The following GPRIN3 variants were observed in gnomAD, a reference collection of about 807,000 sequenced individuals.
GPRIN3 encodes the protein G protein-regulated inducer of neurite outgrowth 3.
GPRIN3 carries 12 observed loss-of-function variants against 13.7 expected under a neutral mutation model. That is an observed-to-expected ratio of 0.87 (90% confidence interval 0.56 to 1.42). The LOEUF is 1.42. Among genes scored for constraint, GPRIN3 ranks in the 40% most tolerant of loss-of-function variants. The probability of loss-of-function intolerance (pLI) is 0.00; values close to 1 mark genes in which losing one functional copy is unlikely to be tolerated. For synonymous variants in GPRIN3, 377 were observed against 372.7 expected, an observed-to-expected ratio of 1.01 and a Z score of -0.13; for missense variants, 1,009 against 958.7, an observed-to-expected ratio of 1.05 and a Z score of -0.69.
At chr4:89,274,406 C>G (rs1453168828) in intron 1 of GPRIN3, among the ~76,000 whole-genome samples, 1 of 152,108 alleles carries the variant, frequency 6.6e-6, no homozygotes, top group Non-Finnish European at 1.5e-5. Flanking sequence ...GTTCCAGGGT[C>G]TCTTTCCAGG....
At position 89,238,445 on chromosome 4, in the gene GPRIN3, T is replaced by C. The variant is rs1487812467; in HGVS notation, c.*9335A>G. The C allele has an allele frequency of 6.6e-6, 1 of 152,220 alleles. No individual in the cohort carries two copies. Among genetic ancestry groups the C allele is most frequent in the African/African-American group, 2.4e-5 (1 of 41,508 alleles). 9.4% of individuals were successfully genotyped at this position (152,220 alleles called of 1,614,324 possible). On this transcript the variant is annotated 3_prime_UTR_variant, in exon 2 of 2. Coordinates refer to ENST00000609438, the MANE Select transcript of GPRIN3 (RefSeq NM_198281.3). ...GCAGAAAGGCTGGAGCTATATAGGG[T>C]ACACCTGATGGCTCTGGGTAAGAGG...
At chr4:89,268,007 A>C (rs1723828947) in intron 1 of GPRIN3, among the ~76,000 whole-genome samples, 1 of 152,236 alleles carries the variant, frequency 6.6e-6, no homozygotes, top group Admixed American at 6.5e-5. Flanking sequence ...GGATGTAGTT[A>C]CGCAAAAGTG....
chr4:89,252,710 A>G (rs1488144445), intron 1 of GPRIN3, among the ~76,000 whole-genome samples: 2 of 152,180 alleles, frequency 1.3e-5, no homozygotes, highest in Non-Finnish European at 2.9e-5. Context: ...TTCTAACTTC[A>G]TTCTTTATAT....
At chr4:89,251,917 A>G (rs1049831959) in intron 1 of GPRIN3, among the ~76,000 whole-genome samples, 6 of 152,136 alleles carry the variant, frequency 3.9e-5, no homozygotes, top group African/African-American at 1.4e-4. Flanking sequence ...AATTTTAAAA[A>G]TCAGAAATGA....
chr4:89,253,758 C>G lies in GPRIN3; in HGVS notation c.-123-3525G>C, dbSNP rs149034850. On this transcript the variant is annotated intron_variant, in intron 1 of 1. Transcript: ENST00000609438. ...AGTTCAAGAAGAAAAGCCCAAATTG[C>G]TTGGCTAAGACCTAGCACTTGAAAT... Among the ~76,000 whole-genome samples the G allele has an allele frequency of 3.0e-3, 450 of 152,292 alleles. 2 individuals are homozygous for G. Among genetic ancestry groups the G allele is most frequent in the African/African-American group, 0.01 (432 of 41,544 alleles).
Position 89,250,097 on chromosome 4 carries a change from G to A in GPRIN3, c.14C>T (p.Pro5Leu). The change falls in exon 2 of 2, where the codon CCT (proline) becomes CTT (leucine). Residue 5 changes from proline to leucine, a missense_variant. Coordinates refer to ENST00000609438, the MANE Select transcript of GPRIN3 (RefSeq NM_198281.3). MGTV[P>L]DPLRSAKTSL... ...AGTTTTAGCTGATCTCAGAGGGTCAGGTACAGTCCCCATGGAATTTCTCTT... is the reference window on the plus strand; with the variant it reads ...AGTTTTAGCTGATCTCAGAGGGTCAAGTACAGTCCCCATGGAATTTCTCTT... 1.2e-6 allele frequency: 2 copies of A among 1,612,606 alleles called. No individual in the cohort carries two copies. The highest frequency in any genetic ancestry group is 8.5e-7 in the Non-Finnish European group (1 of 1,179,136).
chr4:89,274,480 T>C (rs1044938355), intron 1 of GPRIN3, among the ~76,000 whole-genome samples: 1 of 152,174 alleles, frequency 6.6e-6, no homozygotes, highest in Non-Finnish European at 1.5e-5. Flanking sequence ...TTTGACTATG[T>C]TGATATTTGC....
chr4:89,273,350 C>T (rs1724010250), intron 1 of GPRIN3, among the ~76,000 whole-genome samples: 1 of 152,178 alleles, frequency 6.6e-6, no homozygotes, highest in South Asian at 2.1e-4. Flanking sequence ...CCTCACCACT[C>T]CTACCTCTGT....
chr4:89,302,090 C>T (rs912060731), intron 1 of GPRIN3, among the ~76,000 whole-genome samples: 3 of 152,174 alleles, frequency 2.0e-5, no homozygotes, highest in African/African-American at 2.4e-5. Flanking sequence ...CTGATCCCCA[C>T]GATATTTCTG....
At chr4:89,269,232 G>A (rs960160990) in intron 1 of GPRIN3, among the ~76,000 whole-genome samples, 6 of 152,116 alleles carry the variant, frequency 3.9e-5, no homozygotes, top group Non-Finnish European at 7.4e-5. Flanking sequence ...CTTCCTGTTA[G>A]AATGGTCCTG....
At chr4:89,297,042 A>G (rs1448200637) in intron 1 of GPRIN3, among the ~76,000 whole-genome samples, 1 of 152,214 alleles carries the variant, frequency 6.6e-6, no homozygotes, top group East Asian at 1.9e-4. Flanking sequence ...ATAGTGGTGA[A>G]GCTCATGGCC....
rs1169957931 is a variant in GPRIN3, at chr4:89,243,119, C to T, written c.*4661G>A. ...ACAGAATTTTTCCACTTCAATCCAT[C>T]TTCATTTATGTCCTTGGTCATTGCA... On this transcript the variant is annotated 3_prime_UTR_variant, in exon 2 of 2. Transcript: ENST00000609438. 1 of 152,198 alleles carries T rather than the reference C, an allele frequency of 6.6e-6. No individual in the cohort carries two copies. Among genetic ancestry groups the T allele is most frequent in the African/African-American group, 2.4e-5 (1 of 41,448 alleles). 9.4% of individuals were successfully genotyped at this position (152,198 alleles called of 1,614,324 possible).
At chr4:89,296,071 C>T (rs905133408) in intron 1 of GPRIN3, among the ~76,000 whole-genome samples, 32 of 152,160 alleles carry the variant, frequency 2.1e-4, no homozygotes, top group African/African-American at 6.3e-4. Context: ...CTGTATACTA[C>T]GTAAGATCCT....
chr4:89,247,726 G>A lies in GPRIN3; in HGVS notation c.*54C>T. 1 of 1,510,058 alleles carries A rather than the reference G, an allele frequency of 6.6e-7. No individual in the cohort carries two copies. Among genetic ancestry groups the A allele is most frequent in the Non-Finnish European group, 8.9e-7 (1 of 1,118,470 alleles). The allele number at this position is 1,510,058 out of a possible 1,614,324, so 93.5% of individuals were successfully genotyped here. On this transcript the variant is annotated 3_prime_UTR_variant, in exon 2 of 2. Transcript: ENST00000609438. ...AAAACTAAGCAAGCTTTGACATAGA[G>A]GGACGCATGTGAATACCGTAAATTT...
rs1240621621 is a variant in GPRIN3, at chr4:89,236,473, T to C, written c.*11307A>G. 3 of 152,322 alleles carry C rather than the reference T, an allele frequency of 2.0e-5. No individual in the cohort carries two copies. In the East Asian group the frequency reaches 5.8e-4, roughly 29 times the overall value. 9.4% of individuals were successfully genotyped at this position (152,322 alleles called of 1,614,324 possible). On this transcript the variant is annotated 3_prime_UTR_variant, in exon 2 of 2. Coordinates refer to ENST00000609438, the MANE Select transcript of GPRIN3 (RefSeq NM_198281.3). The stretch of plus-strand genomic sequence containing the variant: ...TAACAATTGAGTGGTAAAGTTCAAG[T>C]GGAAGAAAGCAAAACTCAGAGGAGT...
intron 1 of GPRIN3, among the ~76,000 whole-genome samples, chr4:89,301,473 A>G (rs899518854): frequency 3.3e-5 from 5 of 152,218 alleles, no homozygotes; most frequent in Non-Finnish European, 7.3e-5. Context: ...GAAACAAAAA[A>G]TGCTCTGATT....
intron 1 of GPRIN3, among the ~76,000 whole-genome samples, chr4:89,304,514 AACTG>A (rs574902050): frequency 4.1e-4 from 63 of 152,248 alleles, no homozygotes; most frequent in Admixed American, 2.7e-3. Context: ...AGACTCACTA[AACTG>A]ACTTCACAGT....
chr4:89,270,860 GAA>G (rs1002291242), intron 1 of GPRIN3, among the ~76,000 whole-genome samples: 5 of 152,006 alleles, frequency 3.3e-5, no homozygotes, highest in Admixed American at 6.6e-5. Context: ...GTACTATGCA[GAA>G]ATTGGAACTT....
rs1323671198 is a variant in GPRIN3 at position 89,242,517 on chromosome 4, T to C, written c.*5263A>G. 2 of 152,196 alleles carry C rather than the reference T, an allele frequency of 1.3e-5. No individual in the cohort carries two copies. The highest frequency in any genetic ancestry group is 2.4e-5 in the African/African-American group (1 of 41,460). 9.4% of individuals were successfully genotyped at this position (152,196 alleles called of 1,614,324 possible). On this transcript the variant is annotated 3_prime_UTR_variant, in exon 2 of 2. Coordinates refer to ENST00000609438, the MANE Select transcript of GPRIN3 (RefSeq NM_198281.3). ...TTCCCTCTGGGCTCACATAAAAACA[T>C]AGATGCCAACTGTATCCTGACTAAT... is the stretch of plus-strand genomic sequence containing the variant.
Sources: allele counts gnomAD v4.1 joint callset (sites outside exome capture counted in the v4.1 genomes callset), GRCh38; gene constraint gnomAD v4.1.1; transcripts MANE v1.5; gene names NCBI Gene and HGNC (gene_info 2026-07-23, HGNC 2026-07-21).